Variants in NDUFAF7 observed in about 807,000 individuals in gnomAD.
The protein encoded by NDUFAF7 is NADH:ubiquinone oxidoreductase complex assembly factor 7.
Under a neutral mutation model 47.2 loss-of-function variants are expected in NDUFAF7, and 48 were observed. The ratio of observed to expected loss-of-function variants is 1.02; its 90% confidence interval spans 0.81 to 1.29. The LOEUF (loss-of-function observed/expected upper bound fraction) is 1.29, where lower values mean the gene tolerates loss of function less well. NDUFAF7 is among the 50% of genes most tolerant of loss of function. NDUFAF7 has a pLI of 0.00. For synonymous variants in NDUFAF7, 217 were observed against 190.0 expected, an observed-to-expected ratio of 1.14 and a Z score of -1.17; for missense variants, 635 against 537.6, an observed-to-expected ratio of 1.18 and a Z score of -1.79.
Position 37,246,240 on chromosome 2 carries a change from G to T in NDUFAF7, c.936+45G>T, listed in dbSNP as rs751872996. On this transcript the variant is annotated intron_variant, in intron 8 of 9. Transcript: ENST00000002125. Reference sequence around the variant, plus strand: ...ATGATTTATCAGAATTTCAGTGTTAGATCTGAAGCCCATTGAAGAGCTTTG... The same window carrying T: ...ATGATTTATCAGAATTTCAGTGTTATATCTGAAGCCCATTGAAGAGCTTTG... The T allele has an allele frequency of 6.2e-6, 10 of 1,604,974 alleles. No homozygotes were observed. The East Asian group carries it at 2.2e-4, about 36-fold the overall frequency.
Position 37,232,137 on chromosome 2 carries a change from C to T in NDUFAF7, c.87C>T (p.Phe29=), listed in dbSNP as rs770458467. 2 of 1,614,078 alleles carry T rather than the reference C, an allele frequency of 1.2e-6. No homozygotes were observed. The highest frequency in any genetic ancestry group is 1.3e-5 in the African/African-American group (1 of 74,934). ...AIPFIWRGKY[F]SSGNEPAENP... is the part of the protein sequence containing the mutation. Reference sequence around the variant, plus strand: ...CTTTTATTTGGAGAGGGAAATACTTCAGCTCCGGGAATGAGCCTGCAGAAA... The same window carrying T: ...CTTTTATTTGGAGAGGGAAATACTTTAGCTCCGGGAATGAGCCTGCAGAAA... Residue 29 remains phenylalanine (F), a synonymous_variant, in exon 2 of 10, where the codon TTC becomes TTT. Transcript: ENST00000002125.
intron 9 of NDUFAF7, 49 bp from the exon 10 acceptor site, chr2:37,248,086 A>G (rs758378724): frequency 2.1e-6 from 3 of 1,431,004 alleles, no homozygotes; most frequent in Admixed American, 3.7e-5. Context: ...GCATGTAACT[A>G]GGAATCCTGT....
chr2:37,232,438 C>T (rs189858425), intron 2 of NDUFAF7, among the ~76,000 whole-genome samples, 172 bp downstream of exon 2: 1 of 152,270 alleles, frequency 6.6e-6, no homozygotes, highest in Non-Finnish European at 1.5e-5. Flanking sequence ...AGGGCTGGCT[C>T]ACGTCAGAGG....
intron 8 of NDUFAF7, among the ~76,000 whole-genome samples, chr2:37,246,507 C>G (rs1393631930): frequency 6.6e-6 from 1 of 152,170 alleles, no homozygotes; most frequent in Admixed American, 6.5e-5. Context: ...TTAAACCTAT[C>G]TGTAACCCCC....
intron 8 of NDUFAF7, 30 bp downstream of exon 8, chr2:37,246,225 A>G (rs1415064429): frequency 6.2e-7 from 1 of 1,611,736 alleles, no homozygotes; most frequent in East Asian, 2.2e-5. Context: ...ATGATTTATC[A>G]GAATTTCAGT....
the NDUFAF7 span, among the ~76,000 whole-genome samples, chr2:37,259,933 G>T: frequency 2.6e-5 from 4 of 152,132 alleles, no homozygotes; most frequent in African/African-American, 4.8e-5. Flanking sequence ...GGGAGACCTA[G>T]GCAGGTGGAT....
chr2:37,262,041 G>A, the NDUFAF7 span, among the ~76,000 whole-genome samples: 1 of 152,170 alleles, frequency 6.6e-6, no homozygotes, highest in Non-Finnish European at 1.5e-5. Flanking sequence ...GCTACACGGG[G>A]CTAAGTTGTG....
the NDUFAF7 span, chr2:37,260,140 G>A: frequency 1.6e-6 from 2 of 1,284,640 alleles, no homozygotes; most frequent in South Asian, 1.5e-5. Flanking sequence ...CTCCAGCCCA[G>A]GTGACAGAGT....
the NDUFAF7 span, chr2:37,267,909 CACAG>C: frequency 5.7e-6 from 1 of 173,984 alleles, no homozygotes. Context: ...AATGAGTCAG[CACAG>C]AGTGATTTAA....
intron 5 of NDUFAF7, 151 bp downstream of exon 5, chr2:37,241,942 G>C (rs1245469927): frequency 3.1e-6 from 2 of 655,250 alleles, no homozygotes; most frequent in East Asian, 2.7e-5. Flanking sequence ...TTCTAGAAAA[G>C]AGCATCTTAA....
the NDUFAF7 span, chr2:37,260,223 C>G: frequency 1.9e-6 from 3 of 1,600,854 alleles, no homozygotes; most frequent in Non-Finnish European, 1.7e-6. Context: ...GTTAAAATAC[C>G]TGTGTGACCA....
chr2:37,234,330 G>A (rs6743782), intron 2 of NDUFAF7, among the ~76,000 whole-genome samples: 49,672 of 151,984 alleles, frequency 0.33, 8,694 homozygotes, highest in East Asian at 0.44. Context: ...GGCCTCATAT[G>A]ATCCGCCTGT....
intron 2 of NDUFAF7, among the ~76,000 whole-genome samples, chr2:37,235,580 G>A (rs1455349590): frequency 6.6e-6 from 1 of 152,096 alleles, no homozygotes; most frequent in East Asian, 1.9e-4. Context: ...TTTTTCTACC[G>A]GTTTTGTAAA....
Position 37,231,720 on chromosome 2 carries a change from G to C in NDUFAF7, c.15G>C (p.Leu5=). 1 of 1,614,232 alleles carries C rather than the reference G, an allele frequency of 6.2e-7. No individual in the cohort carries two copies. Among genetic ancestry groups the C allele is most frequent in the Non-Finnish European group, 8.5e-7 (1 of 1,180,038 alleles). MSVL[L]RSGLGPLCAV... is the part of the protein sequence containing the mutation. ...CGAATTTCAGCATGAGTGTACTGCT[G>C]AGGTCAGGTTTGGGGCCGTTGTGTG... Residue 5 remains leucine (L), a synonymous_variant, in exon 1 of 10, where the codon CTG becomes CTC. Transcript: ENST00000002125.
the NDUFAF7 span, among the ~76,000 whole-genome samples, chr2:37,263,736 A>C: frequency 6.6e-6 from 1 of 152,220 alleles, no homozygotes; most frequent in Non-Finnish European, 1.5e-5. Context: ...AGAAAGAATC[A>C]GCAAAAACAG....
Position 37,243,857 on chromosome 2 carries a change from G to A in NDUFAF7, c.682-6G>A, listed in dbSNP as rs190043357. ...AATTTGTTTTTATGTGTTATTTTGT[G>A]TTTAGAAAACACCACAGGGATGGCG... On this transcript the variant is annotated splice_polypyrimidine_tract_variant and splice_region_variant and intron_variant, in intron 6 of 9. Coordinates refer to ENST00000002125, the MANE Select transcript of NDUFAF7 (RefSeq NM_144736.5). The A allele has an allele frequency of 1.2e-6, 2 of 1,612,980 alleles. No individual in the cohort carries two copies. Among genetic ancestry groups the A allele is most frequent in the Admixed American group, 1.7e-5 (1 of 59,970 alleles).
chr2:37,249,558 GACACACACACACACACACACACAC>G (rs56374800), downstream of NDUFAF7, among the ~76,000 whole-genome samples: 20 of 128,502 alleles, frequency 1.6e-4, no homozygotes, highest in African/African-American at 2.0e-4. Flanking sequence ...GCCTGTGATA[GACACACACACACACACACACACAC>G]ACACACACAC....
At chr2:37,260,462 T>C in the NDUFAF7 span, 1 of 1,298,452 alleles carries the variant, frequency 7.7e-7, no homozygotes, top group African/African-American at 1.5e-5. Flanking sequence ...GCTATGATTG[T>C]CTGAAATGGC....
In NDUFAF7 at chr2:37,246,064, A is replaced by G; in HGVS notation, c.805A>G (p.Arg269Gly). Residue 269 changes from arginine to glycine, a missense_variant, in exon 8 of 10, where the codon AGG becomes GGG. Physicochemically the swap from Arg to Gly is moderately radical, Grantham distance 125. Transcript: ENST00000002125. ...ATCCCTTTACTAGCATGACGAAACA[A>G]GGGATCATGTTGAAGTGTGTCCTGA... ...AEAFIQHDETRDHVEVCPDAG... is the reference protein window; with the variant it reads ...AEAFIQHDETGDHVEVCPDAG... The G allele has an allele frequency of 6.2e-7, 1 of 1,613,868 alleles. No individual in the cohort carries two copies. Among genetic ancestry groups the G allele is most frequent in the Non-Finnish European group, 8.5e-7 (1 of 1,179,836 alleles).
Sources: allele counts gnomAD v4.1 joint callset (sites outside exome capture counted in the v4.1 genomes callset), GRCh38; gene constraint gnomAD v4.1.1; transcripts MANE v1.5; gene names NCBI Gene and HGNC (gene_info 2026-07-23, HGNC 2026-07-21).